Variants in MEGF6 observed in about 807,000 individuals in gnomAD.
MEGF6 encodes the protein multiple EGF like domains 6.
In MEGF6, 184 loss-of-function variants were observed where a neutral mutation model predicts 207.1. That is an observed-to-expected ratio of 0.89 (90% CI 0.79 to 1.00). MEGF6 has a LOEUF of 1.00. Ranked by LOEUF, MEGF6 falls within the 50% of genes least tolerant of loss-of-function variation. The probability of loss-of-function intolerance (pLI) is 0.00; values close to 1 mark genes in which losing one functional copy is unlikely to be tolerated. For missense variants in MEGF6, 2,282 were observed against 2,202.9 expected, an observed-to-expected ratio of 1.04 and a Z score of -0.72; for synonymous variants, 1,038 against 910.0, an observed-to-expected ratio of 1.14 and a Z score of -2.53.
Position 3,580,631 on chromosome 1 carries a change from C to T in MEGF6, c.377-702G>A, listed in dbSNP as rs557921806. 4.0e-3 allele frequency among the ~76,000 whole-genome samples: 609 copies of T among 152,204 alleles called. 6 individuals carry two copies. Among genetic ancestry groups the T allele is most frequent in the Middle Eastern group, 0.014 (4 of 294 alleles). Reference sequence around the variant, plus strand: ...CAGACCCACACTGCCTCACTGCCCCCTCCACAGCAGGTGCCCCCCAGGCTG... The same window carrying T: ...CAGACCCACACTGCCTCACTGCCCCTTCCACAGCAGGTGCCCCCCAGGCTG... On this transcript the variant is annotated intron_variant, in intron 3 of 36. Coordinates refer to ENST00000356575, the MANE Select transcript of MEGF6 (RefSeq NM_001409.4).
At position 3,544,036 on chromosome 1, in the gene MEGF6, A is replaced by G. The variant is rs1046521446; in HGVS notation, c.482-19790T>C. Among the ~76,000 whole-genome samples, 22 of 152,096 alleles carry G rather than the reference A, an allele frequency of 1.4e-4. 1 individual carries two copies. The highest frequency in any genetic ancestry group is 1.9e-4 in the Non-Finnish European group (13 of 68,006). On this transcript the variant is annotated intron_variant, in intron 4 of 36. Transcript: ENST00000356575. Reference sequence around the variant, plus strand: ...ACCCGGAGCCGCTCTATCGCGGGAGAGCCTCTGCGCGCCGCACCACTCGCT... The same window carrying G: ...ACCCGGAGCCGCTCTATCGCGGGAGGGCCTCTGCGCGCCGCACCACTCGCT...
intron 4 of MEGF6, among the ~76,000 whole-genome samples, chr1:3,574,261 G>T (rs375267885): frequency 6.6e-6 from 1 of 152,006 alleles, no homozygotes; most frequent in East Asian, 1.9e-4. Flanking sequence ...ACCGAGAGAG[G>T]CCGAGGACCT....
rs748324733 is a variant in MEGF6 at position 3,495,944 on chromosome 1, C to T, written c.3817G>A (p.Val1273Met). 1.3e-5 allele frequency: 20 copies of T among 1,592,024 alleles called. No homozygotes were observed. In the Admixed American group the frequency reaches 3.2e-4, roughly 26 times the overall value. ...GGGGGGCAGAGGCAGGTGCCGGTCA[C>T]AGGGTCGCAGGCCGCCCCCTGCCCA... ...GCGQGAACDP[V>M]TGTCLCPPGR... is the part of the protein sequence containing the mutation. The change falls in exon 30 of 37, where the codon GTG (valine) becomes ATG (methionine). Residue 1273 changes from valine to methionine, a missense_variant. Coordinates refer to ENST00000356575, the MANE Select transcript of MEGF6 (RefSeq NM_001409.4).
rs1640585632 is a variant in MEGF6, at chr1:3,495,993, G to A, written c.3768C>T (p.Pro1256=). The A allele has an allele frequency of 1.3e-6, 2 of 1,549,890 alleles. No individual in the cohort carries two copies. Among genetic ancestry groups the A allele is most frequent in the Non-Finnish European group, 8.7e-7 (1 of 1,154,770 alleles). Residue 1256 remains proline, a synonymous_variant, in exon 30 of 37, where the codon CCC becomes CCT. Transcript: ENST00000356575. The stretch of plus-strand genomic sequence containing the variant: ...CACACCCACACACGTGGGTGCAGTT[G>A]GGGCCGAAGCGGCCCTGCGGACAGG... The part of the protein sequence containing the change: ...NLTCPQGRFG[P]NCTHVCGCGQ...
At chr1:3,555,432 G>A (rs754217865) in intron 4 of MEGF6, among the ~76,000 whole-genome samples, 66 of 152,348 alleles carry the variant, frequency 4.3e-4, no homozygotes, top group Non-Finnish European at 7.2e-4. Flanking sequence ...ATGTCCAGAC[G>A]AGACAGGAAA....
At chr1:3,529,409 C>T (rs963668253) in intron 4 of MEGF6, among the ~76,000 whole-genome samples, 4 of 152,262 alleles carry the variant, frequency 2.6e-5, no homozygotes, top group East Asian at 1.9e-4. Context: ...AAGCCCCACA[C>T]GGGGCAGGGG....
chr1:3,619,751 T>C, the MEGF6 span, among the ~76,000 whole-genome samples: 1 of 152,182 alleles, frequency 6.6e-6, no homozygotes, highest in Non-Finnish European at 1.5e-5. Context: ...TAGTTCTTTA[T>C]AGGAGTGTGA....
rs78000012 is a variant in MEGF6, at chr1:3,565,372, C to A, written c.481+14453G>T. ...CCTTCCTAGCTGGACCTTAAAACCCCCCGGGTCCTGGTGCCTGCTCTGGCC... is the reference window on the plus strand; with the variant it reads ...CCTTCCTAGCTGGACCTTAAAACCCACCGGGTCCTGGTGCCTGCTCTGGCC... On this transcript the variant is annotated intron_variant, in intron 4 of 36. Coordinates refer to ENST00000356575, the MANE Select transcript of MEGF6 (RefSeq NM_001409.4). The surrounding 1 kb of genome is among the most constrained non-coding windows in gnomAD (Gnocchi z 4.8). Among the ~76,000 whole-genome samples, 1,123 of 152,290 alleles carry A rather than the reference C, an allele frequency of 7.4e-3. 43 individuals are homozygous for A. The South Asian group carries it at 0.11, about 15-fold the overall frequency.
chr1:3,536,906 T>C lies in MEGF6; in HGVS notation c.482-12660A>G, dbSNP rs1215363305. ...AGCCAACACCCCCAACTGCTGTGTG[T>C]GTCTGTCCCTCAGTGCTCACCTCCG... On this transcript the variant is annotated intron_variant, in intron 4 of 36. Transcript: ENST00000356575. Among the ~76,000 whole-genome samples, 4 of 152,366 alleles carry C rather than the reference T, an allele frequency of 2.6e-5. No homozygotes were observed. In the East Asian group the frequency reaches 7.7e-4, roughly 29 times the overall value.
chr1:3,599,824 G>A (rs2101869823), intron 2 of MEGF6, among the ~76,000 whole-genome samples: 1 of 152,182 alleles, frequency 6.6e-6, no homozygotes, highest in African/African-American at 2.4e-5. Flanking sequence ...TGCTGGGGCT[G>A]TTCTGCGCGT....
chr1:3,588,820 C>T (rs976212610), intron 3 of MEGF6, among the ~76,000 whole-genome samples: 1 of 152,022 alleles, frequency 6.6e-6, no homozygotes, highest in Non-Finnish European at 1.5e-5. Context: ...CTGAGTGAGC[C>T]CTGTCACCTC....
At position 3,592,681 on chromosome 1, in the gene MEGF6, C is replaced by T. The variant is rs930527524; in HGVS notation, c.376+2657G>A. Reference sequence around the variant, plus strand: ...CCACCCTTGGGGCTCAGGGGTAGCCCGTGTGAACCCTGACTCCTACCCACC... The same window carrying T: ...CCACCCTTGGGGCTCAGGGGTAGCCTGTGTGAACCCTGACTCCTACCCACC... On this transcript the variant is annotated intron_variant, in intron 3 of 36. Coordinates refer to ENST00000356575, the MANE Select transcript of MEGF6 (RefSeq NM_001409.4). Among the ~76,000 whole-genome samples, 3 of 152,172 alleles carry T rather than the reference C, an allele frequency of 2.0e-5. No homozygotes were observed. In the South Asian group the frequency reaches 6.2e-4, roughly 31 times the overall value.
intron 14 of MEGF6, among the ~76,000 whole-genome samples, chr1:3,506,490 C>G (rs1022223847): frequency 1.3e-5 from 2 of 152,184 alleles, no homozygotes; most frequent in Non-Finnish European, 2.9e-5. Flanking sequence ...GAGAGATGCA[C>G]AAAGCTCACG....
intron 4 of MEGF6, among the ~76,000 whole-genome samples, chr1:3,529,180 C>T (rs1570063867): frequency 6.6e-6 from 1 of 152,226 alleles, no homozygotes; most frequent in South Asian, 2.1e-4. Context: ...ACAGACCATG[C>T]TGCCCACTGA....
chr1:3,577,607 C>T (rs766648344), intron 4 of MEGF6, among the ~76,000 whole-genome samples: 5 of 152,222 alleles, frequency 3.3e-5, no homozygotes, highest in Non-Finnish European at 5.9e-5. Flanking sequence ...CTCTGCGGTG[C>T]GTTCCCACGG....
chr1:3,542,300 T>C (rs1176483916), intron 4 of MEGF6, among the ~76,000 whole-genome samples: 3 of 152,348 alleles, frequency 2.0e-5, no homozygotes, highest in South Asian at 4.1e-4. Context: ...CCCCATTACA[T>C]TGTCACTGTG....
At chr1:3,523,078 G>GC (rs1553195915) in intron 5 of MEGF6, among the ~76,000 whole-genome samples, 15 of 151,824 alleles carry the variant, frequency 9.9e-5, no homozygotes, top group Admixed American at 9.8e-4. Context: ...GTGTGCCGGG[G>GC]GGGGGGCCCC....
At position 3,550,736 on chromosome 1, in the gene MEGF6, C is replaced by T. The variant is rs542249020; in HGVS notation, c.482-26490G>A. ...GTGCCCAGCAGCCACCCAACCGGGG[C>T]AGGGCTCCGAAGACCCAGCCCTTGC... On this transcript the variant is annotated intron_variant, in intron 4 of 36. Coordinates refer to ENST00000356575, the MANE Select transcript of MEGF6 (RefSeq NM_001409.4). 3.9e-5 allele frequency among the ~76,000 whole-genome samples: 6 copies of T among 152,376 alleles called. No homozygotes were observed. In the East Asian group the frequency reaches 1.2e-3, roughly 29 times the overall value.
rs191039010 is a variant in MEGF6 at position 3,501,430 on chromosome 1, C to G, written c.2315-122G>C. The G allele has an allele frequency of 1.7e-3, 2,421 of 1,400,562 alleles. 11 individuals carry two copies. The African/African-American group carries it at 0.019, about 11-fold the overall frequency. The allele number at this position is 1,400,562 out of a possible 1,614,324, so 86.8% of individuals were successfully genotyped here. ...GGTGGAACCACTGTTACCATCTCAG[C>G]CTGCCCCGGGGAGGGGAGAGGACCC... On this transcript the variant is annotated intron_variant, in intron 18 of 36. Coordinates refer to ENST00000356575, the MANE Select transcript of MEGF6 (RefSeq NM_001409.4).
Sources: allele counts gnomAD v4.1 joint callset (sites outside exome capture counted in the v4.1 genomes callset), GRCh38; gene constraint gnomAD v4.1.1; non-coding constraint Gnocchi (gnomAD v3.1); transcripts MANE v1.5; gene names NCBI Gene and HGNC (gene_info 2026-07-23, HGNC 2026-07-21).